The following LIN28B variants were observed in gnomAD, a reference collection of about 807,000 sequenced individuals.
LIN28B encodes the protein protein lin-28 homolog B.
LIN28B carries 5 observed loss-of-function variants against 21.9 expected under a neutral mutation model. The ratio of observed to expected loss-of-function variants is 0.23; its 90% CI spans 0.12 to 0.48. The LOEUF is 0.48. LIN28B is among the 20% of genes least tolerant of loss of function. The pLI, the probability that LIN28B is intolerant of heterozygous loss-of-function variation, is 0.98. For synonymous variants in LIN28B, 109 were observed against 111.3 expected, an observed-to-expected ratio of 0.98 and a Z score of 0.13; for missense variants, 245 against 310.5, an observed-to-expected ratio of 0.79 and a Z score of 1.58.
In LIN28B at chr6:105,078,679, C is replaced by T. The variant is rs867034956; in HGVS notation, c.649C>T (p.Arg217Trp). Residue 217 changes from arginine to tryptophan, a missense_variant, in exon 4 of 4, where the codon CGG (arginine) becomes TGG (tryptophan). Coordinates refer to ENST00000345080, the MANE Select transcript of LIN28B (RefSeq NM_001004317.4). Reference sequence around the variant, plus strand: ...GGAGGCTAGGGCAGAGATCTCAGAACGGTCAGGCAGGTCACCTCAAGAAGC... The same window carrying T: ...GGAGGCTAGGGCAGAGATCTCAGAATGGTCAGGCAGGTCACCTCAAGAAGC... The part of the protein sequence containing the change: ...PQEARAEISE[R>W]SGRSPQEASS... 2.5e-6 allele frequency: 4 copies of T among 1,614,088 alleles called. No homozygotes were observed. The highest frequency in any genetic ancestry group is 1.1e-5 in the South Asian group (1 of 91,070).
At chr6:104,959,261 TA>T (rs1362735444) in intron 2 of LIN28B, among the ~76,000 whole-genome samples, 1 of 152,208 alleles carries the variant, frequency 6.6e-6, no homozygotes, top group East Asian at 1.9e-4. Flanking sequence ...GGTTTACGAC[TA>T]AAGAGGTTTA....
At chr6:105,065,363 ATATCACAG>A in intron 3 of LIN28B, among the ~76,000 whole-genome samples, 1 of 152,368 alleles carries the variant, frequency 6.6e-6, no homozygotes, top group South Asian at 2.1e-4. Flanking sequence ...AGAGAAGATA[ATATCACAG>A]TTTACAGAGG....
chr6:105,026,037 A>G (rs548701205), intron 2 of LIN28B, among the ~76,000 whole-genome samples: 8 of 152,176 alleles, frequency 5.3e-5, no homozygotes, highest in African/African-American at 1.9e-4. Context: ...AGAATTATTA[A>G]TTGTGGAATT....
At chr6:105,050,823 A>G (rs1229918083) in intron 3 of LIN28B, among the ~76,000 whole-genome samples, 1 of 151,366 alleles carries the variant, frequency 6.6e-6, no homozygotes, top group Non-Finnish European at 1.5e-5. Context: ...GAGATCACCA[A>G]AATCTCTGAG....
intron 2 of LIN28B, among the ~76,000 whole-genome samples, chr6:105,001,266 C>T (rs1293962021): frequency 6.6e-6 from 1 of 152,226 alleles, no homozygotes; most frequent in Non-Finnish European, 1.5e-5. Flanking sequence ...TGTCTACATG[C>T]TCTGCCTGTG....
At chr6:105,041,940 C>G (rs1294246480) in intron 3 of LIN28B, among the ~76,000 whole-genome samples, 2 of 151,980 alleles carry the variant, frequency 1.3e-5, no homozygotes, top group African/African-American at 2.4e-5. Context: ...GTTTATAATT[C>G]CAGGAATTAA....
Position 105,026,806 on chromosome 6 carries a change from CT to C in LIN28B, c.383+330del, listed in dbSNP as rs560045618. On this transcript the variant is annotated intron_variant, in intron 3 of 3. Coordinates refer to ENST00000345080, the MANE Select transcript of LIN28B (RefSeq NM_001004317.4). ...CCAGAATTTGCCAAACACCTCACCT[CT>C]TTTTTCAAATGAAAATGTACCTATT... Among the ~76,000 whole-genome samples the C allele has an allele frequency of 3.0e-3, 456 of 152,150 alleles. 2 individuals are homozygous for C. The highest frequency in any genetic ancestry group is 3.8e-3 in the Non-Finnish European group (261 of 67,992).
chr6:104,962,413 G>A (rs1769765832), intron 2 of LIN28B, among the ~76,000 whole-genome samples: 1 of 151,832 alleles, frequency 6.6e-6, no homozygotes, highest in Non-Finnish European at 1.5e-5. Context: ...TTTTGAATTA[G>A]ATTTTGATCT....
intron 3 of LIN28B, among the ~76,000 whole-genome samples, chr6:105,039,642 T>C (rs1194556895): frequency 6.6e-6 from 1 of 152,168 alleles, no homozygotes; most frequent in Non-Finnish European, 1.5e-5. Flanking sequence ...GAGAAGAGAA[T>C]GGGATTGTGG....
At chr6:104,973,717 T>C (rs1770025277) in intron 2 of LIN28B, among the ~76,000 whole-genome samples, 2 of 152,240 alleles carry the variant, frequency 1.3e-5, no homozygotes, top group Non-Finnish European at 2.9e-5. Flanking sequence ...ACTTTAGAAT[T>C]TATTTTTGAT....
chr6:104,974,198 A>T (rs1250689994), intron 2 of LIN28B, among the ~76,000 whole-genome samples: 1 of 152,158 alleles, frequency 6.6e-6, no homozygotes, highest in Non-Finnish European at 1.5e-5. Context: ...GAGTAAAAAA[A>T]TGCAGATTCA....
chr6:104,957,912 C>A (rs1173086085), intron 1 of LIN28B, among the ~76,000 whole-genome samples, 187 bp from the exon 2 acceptor site: 1 of 152,066 alleles, frequency 6.6e-6, no homozygotes, highest in African/African-American at 2.4e-5. Flanking sequence ...CCCCCTCCCC[C>A]GCTTTCCTTT....
chr6:105,048,164 A>G (rs1771811121), intron 3 of LIN28B, among the ~76,000 whole-genome samples: 1 of 152,192 alleles, frequency 6.6e-6, no homozygotes, highest in Non-Finnish European at 1.5e-5. Flanking sequence ...TTTGTCATAA[A>G]TAGCTCTTAT....
upstream of LIN28B, among the ~76,000 whole-genome samples, chr6:104,952,429 C>G (rs1778230200): frequency 6.6e-6 from 1 of 152,022 alleles, no homozygotes; most frequent in Non-Finnish European, 1.5e-5. Context: ...TTGTTGAGCA[C>G]AGTTTGGAAA....
chr6:105,053,917 T>C (rs1771969510), intron 3 of LIN28B, among the ~76,000 whole-genome samples: 1 of 152,146 alleles, frequency 6.6e-6, no homozygotes, highest in Admixed American at 6.5e-5. Context: ...CTAATTTCTG[T>C]ATTTTTAGTA....
chr6:105,009,190 C>CA (rs1214709269), intron 2 of LIN28B, among the ~76,000 whole-genome samples: 14 of 151,160 alleles, frequency 9.3e-5, no homozygotes, highest in African/African-American at 2.4e-4. Flanking sequence ...AAATCTGCAC[C>CA]AAAAAAAATA....
intron 2 of LIN28B, among the ~76,000 whole-genome samples, chr6:105,023,928 A>G (rs1191068060): frequency 6.6e-6 from 1 of 151,582 alleles, no homozygotes; most frequent in Non-Finnish European, 1.5e-5. Flanking sequence ...ACCAACTCCT[A>G]CAAAAGTGCA....
At chr6:104,970,218 C>T (rs895217036) in intron 2 of LIN28B, among the ~76,000 whole-genome samples, 4 of 152,108 alleles carry the variant, frequency 2.6e-5, no homozygotes, top group Non-Finnish European at 4.4e-5. Context: ...CTGCAGTCTT[C>T]GCATTTTTGA....
intron 2 of LIN28B, among the ~76,000 whole-genome samples, chr6:104,972,210 A>G (rs1379228826): frequency 1.3e-5 from 2 of 152,110 alleles, no homozygotes; most frequent in Non-Finnish European, 2.9e-5. Context: ...GACCTCAGGT[A>G]ATCCACCCAC....
Sources: allele counts gnomAD v4.1 joint callset (sites outside exome capture counted in the v4.1 genomes callset), GRCh38; gene constraint gnomAD v4.1.1; transcripts MANE v1.5; gene names NCBI Gene and HGNC (gene_info 2026-07-23, HGNC 2026-07-21).